FPGS: variants seen among roughly 807,000 people sequenced by gnomAD.
FPGS encodes folylpolyglutamate synthase.
In FPGS, 53 loss-of-function variants were observed where a neutral mutation model predicts 66.5. That is an observed-to-expected ratio of 0.80 (90% CI 0.64 to 1.00). The LOEUF is 1.00. Ranked by LOEUF, FPGS falls within the 50% of genes least tolerant of loss-of-function variation. The pLI is 0.00. For missense variants in FPGS, 702 were observed against 807.7 expected (o/e 0.87, Z 1.59); for synonymous variants, 348 against 350.9 (o/e 0.99, Z 0.09).
rs762360733 is a variant in FPGS at position 127,808,633 on chromosome 9, G to A, written c.898G>A (p.Glu300Lys). The change falls in exon 10 of 15, where the codon GAG becomes AAG. Residue 300 changes from glutamate to lysine, a missense_variant. By Grantham distance (56) the Glu-to-Lys change is moderately conservative. Coordinates refer to ENST00000373247, the MANE Select transcript of FPGS (RefSeq NM_004957.6). ...GCCGCTGACCCTGGGCCTGGAGGGGGAGCACCAGCGGTCCAACGCCGCCTT... is the reference window on the plus strand; with the variant it reads ...GCCGCTGACCCTGGGCCTGGAGGGGAAGCACCAGCGGTCCAACGCCGCCTT... ...GPPLTLGLEG[E>K]HQRSNAALAL... The A allele has an allele frequency of 6.2e-7, 1 of 1,610,980 alleles. No individual in the cohort carries two copies. Among genetic ancestry groups the A allele is most frequent in the Non-Finnish European group, 8.5e-7 (1 of 1,179,218 alleles).
At chr9:127,803,353 G>A (rs1423336369) in intron 1 of FPGS, 4 of 1,155,910 alleles carry the variant, frequency 3.5e-6, no homozygotes, top group Non-Finnish European at 4.3e-6. Flanking sequence ...CGGTGCTTCT[G>A]GAGTTCCAGT....
At chr9:127,806,396 C>A in intron 4 of FPGS, 1 of 154,468 alleles carries the variant, frequency 6.5e-6, no homozygotes, top group Non-Finnish European at 1.4e-5. Context: ...GTCCCAGCTA[C>A]TTGGGAGGCC....
chr9:127,807,053 T>A lies in FPGS; in HGVS notation c.467T>A (p.Phe156Tyr). 6.2e-7 allele frequency: 1 copy of A among 1,614,036 alleles called. No individual in the cohort carries two copies. The highest frequency in any genetic ancestry group is 1.1e-5 in the South Asian group (1 of 91,068). ...AGTCCTGAGCTCTTCACCAAGTACTTCTGGCGCCTCTACCACCGGCTGGAG... is the reference window on the plus strand; with the variant it reads ...AGTCCTGAGCTCTTCACCAAGTACTACTGGCGCCTCTACCACCGGCTGGAG... ...PISPELFTKY[F>Y]WRLYHRLEET... Residue 156 changes from phenylalanine (F) to tyrosine (Y), a missense_variant, in exon 5 of 15, where the codon TTC becomes TAC. Around this residue, in one of 3 missense-constraint regions of FPGS, gnomAD observed 240 missense variants for 348.6 expected, o/e 0.69. Coordinates refer to ENST00000373247, the MANE Select transcript of FPGS (RefSeq NM_004957.6). This position sits in a 1 kb window ranked among gnomAD's most constrained non-coding sequence, Gnocchi z 5.8.
chr9:127,808,928 G>GT (rs748701684), intron 11 of FPGS, 39 bp downstream of exon 11: 3 of 1,386,158 alleles, frequency 2.2e-6, no homozygotes, highest in Non-Finnish European at 3.0e-6. Context: ...ACCACTGCGT[G>GT]TGTCTGTGCC....
Position 127,809,774 on chromosome 9 carries a change from G to A in FPGS, c.1151G>A (p.Ser384Asn), listed in dbSNP as rs1285368397. Residue 384 changes from serine (S) to asparagine (N), a missense_variant, in exon 12 of 15, where the codon AGC becomes AAC. By Grantham distance (46) the Ser-to-Asn change is conservative. Coordinates refer to ENST00000373247, the MANE Select transcript of FPGS (RefSeq NM_004957.6). ...CTGGACGGTGCGCACACCGCCAGCA[G>A]CGCGCAGGCCTGCGTGCGCTGGTTC... is the stretch of plus-strand genomic sequence containing the variant. ...WYLDGAHTASSAQACVRWFRQ... is the reference protein window; with the variant it reads ...WYLDGAHTASNAQACVRWFRQ... The A allele has an allele frequency of 5.7e-6, 9 of 1,572,228 alleles. No homozygotes were observed. The highest frequency in any genetic ancestry group is 1.4e-5 in the African/African-American group (1 of 72,090).
At chr9:127,804,741 G>C (rs745955336) in intron 4 of FPGS, 41 bp downstream of exon 4, 1 of 1,603,726 alleles carries the variant, frequency 6.2e-7, no homozygotes, top group African/African-American at 1.3e-5. Flanking sequence ...TGTCCCAATG[G>C]ACCCTGGGGG....
intron 11 of FPGS, among the ~76,000 whole-genome samples, 196 bp downstream of exon 11, chr9:127,809,085 C>G (rs571089861): frequency 6.6e-6 from 1 of 151,780 alleles, no homozygotes; most frequent in South Asian, 2.1e-4. Context: ...GTCTTCTCAT[C>G]TGCCAAAGTA....
intron 1 of FPGS, chr9:127,803,438 G>T: frequency 9.8e-7 from 1 of 1,016,918 alleles, no homozygotes; most frequent in Non-Finnish European, 1.2e-6. Flanking sequence ...AGGCTTGAAA[G>T]ATCCAGGAGT....
At chr9:127,814,284 C>A (rs1386441805), downstream of FPGS, 1 of 338,490 alleles carries the variant, frequency 3.0e-6, no homozygotes, top group Non-Finnish European at 4.2e-6. Context: ...TTCTGCAGAC[C>A]CCCTTGCAGA....
At chr9:127,809,235 C>G (rs958371052) in intron 11 of FPGS, among the ~76,000 whole-genome samples, 1 of 152,176 alleles carries the variant, frequency 6.6e-6, no homozygotes, top group East Asian at 1.9e-4. Flanking sequence ...CTATCATCAT[C>G]ATCAGACCCT....
chr9:127,808,020 C>A lies in FPGS; in HGVS notation c.745-214C>A, dbSNP rs1304281200. ...ACTTGGGAGACTGAGGCAGGAGAAT[C>A]ACTCGAACCCGGGAGGCAGACGTTG... On this transcript the variant is annotated intron_variant, in intron 8 of 14. Coordinates refer to ENST00000373247, the MANE Select transcript of FPGS (RefSeq NM_004957.6). 9 of 580,230 alleles carry A rather than the reference C, an allele frequency of 1.6e-5. No homozygotes were observed. In the Admixed American group the frequency reaches 2.1e-4, roughly 14 times the overall value. The allele number at this position is 580,230 out of a possible 1,614,324, so 35.9% of individuals were successfully genotyped here. A position where few individuals can be genotyped will look rare whatever the true frequency, so the allele number is the denominator to read the frequency against.
chr9:127,808,694 A>T lies in FPGS; in HGVS notation c.959A>T (p.Gln320Leu). Reference protein sequence around the residue: ...LQLAHCWLQRQDRHGAGEPKA... With the variant: ...LQLAHCWLQRLDRHGAGEPKA... Reference sequence around the variant, plus strand: ...CTGGCCCACTGCTGGCTGCAGCGGCAGGACCGCCATGGTGAGTGGGCAGCT... The same window carrying T: ...CTGGCCCACTGCTGGCTGCAGCGGCTGGACCGCCATGGTGAGTGGGCAGCT... The change falls in exon 10 of 15, where the codon CAG becomes CTG. Residue 320 changes from glutamine to leucine, a missense_variant. Transcript: ENST00000373247. The T allele has an allele frequency of 1.9e-6, 3 of 1,588,202 alleles. No homozygotes were observed. In the South Asian group the frequency reaches 3.4e-5, roughly 18 times the overall value.
chr9:127,811,927 A>G (rs915028933), intron 14 of FPGS, among the ~76,000 whole-genome samples: 1 of 152,092 alleles, frequency 6.6e-6, no homozygotes, highest in Non-Finnish European at 1.5e-5. Context: ...TGCAGTGTAA[A>G]ATGTGTTTTT....
At position 127,807,489 on chromosome 9, in the gene FPGS, G is replaced by A. The variant is rs369101651; in HGVS notation, c.641+7G>A. ...ACTGCACCAACATCATCAGGTGAGC[G>A]CAGTTGCTTGGGACGAGGGGTGGCA... On this transcript the variant is annotated splice_region_variant and intron_variant, in intron 7 of 14. Coordinates refer to ENST00000373247, the MANE Select transcript of FPGS (RefSeq NM_004957.6). This position sits in a 1 kb window ranked among gnomAD's most constrained non-coding sequence, Gnocchi z 5.8. 12 of 1,613,890 alleles carry A rather than the reference G, an allele frequency of 7.4e-6. No individual in the cohort carries two copies. The highest frequency in any genetic ancestry group is 2.2e-5 in the East Asian group (1 of 44,892).
rs767564484 is a variant in FPGS at position 127,808,795 on chromosome 9, C to T, written c.971-5C>T. On this transcript the variant is annotated splice_region_variant and splice_polypyrimidine_tract_variant and intron_variant, in intron 10 of 14. Coordinates refer to ENST00000373247, the MANE Select transcript of FPGS (RefSeq NM_004957.6). ...CGGACACACTTGGTCTCACACACCC[C>T]GCAGGTGCTGGGGAGCCAAAGGCAT... 18 of 1,556,990 alleles carry T rather than the reference C, an allele frequency of 1.2e-5. No individual in the cohort carries two copies. Among genetic ancestry groups the T allele is most frequent in the Admixed American group, 1.9e-5 (1 of 51,632 alleles).
In FPGS at chr9:127,807,435, G is replaced by A. The variant is rs756678790; in HGVS notation, c.594G>A (p.Val198=). ...VFLQEKVDLA[V]VEVGIGGAYD... ...GTCTTTGACAGGTGGACCTGGCAGT[G>A]GTGGAGGTGGGCATTGGCGGGGCTT... is the stretch of plus-strand genomic sequence containing the variant. Residue 198 remains valine (V), a synonymous_variant, in exon 7 of 15, where the codon GTG becomes GTA. Transcript: ENST00000373247. The surrounding 1 kb of genome is among the most constrained non-coding windows in gnomAD (Gnocchi z 5.8). The A allele has an allele frequency of 1.2e-6, 2 of 1,614,092 alleles. No homozygotes were observed. The highest frequency in any genetic ancestry group is 1.7e-5 in the Admixed American group (1 of 60,016).
chr9:127,807,404 CCT>C lies in FPGS; in HGVS notation c.580-14_580-13del, dbSNP rs765222440. The stretch of plus-strand genomic sequence containing the variant: ...GGCACCCTCATATCCCCTGCCATGC[CCT>C]CTGGTCTTTGACAGGTGGACCTGGC... On this transcript the variant is annotated splice_polypyrimidine_tract_variant and intron_variant, in intron 6 of 14. Coordinates refer to ENST00000373247, the MANE Select transcript of FPGS (RefSeq NM_004957.6). This position sits in a 1 kb window ranked among gnomAD's most constrained non-coding sequence, Gnocchi z 5.8. 5.6e-6 allele frequency: 9 copies of C among 1,613,606 alleles called. No homozygotes were observed. In the Admixed American group the frequency reaches 1.5e-4, roughly 27 times the overall value.
rs560085760 is a variant in FPGS, at chr9:127,804,788, C to G, written c.386+88C>G. 191 of 1,291,558 alleles carry G rather than the reference C, an allele frequency of 1.5e-4. No individual in the cohort carries two copies. In the African/African-American group the frequency reaches 1.9e-3, roughly 13 times the overall value. The allele number at this position is 1,291,558 out of a possible 1,614,324, so 80.0% of individuals were successfully genotyped here. A position where few individuals can be genotyped will look rare whatever the true frequency, so the allele number is the denominator to read the frequency against. On this transcript the variant is annotated intron_variant, in intron 4 of 14. Coordinates refer to ENST00000373247, the MANE Select transcript of FPGS (RefSeq NM_004957.6). ...AGCCAGTGCTTCAGGACCAGGGTCA[C>G]CCCCAGGAGGTCAGCTGCATGTCTC...
chr9:127,814,032 A>C lies in FPGS; in HGVS notation c.*428A>C, dbSNP rs1830210133. On this transcript the variant is annotated 3_prime_UTR_variant, in exon 15 of 15. Transcript: ENST00000373247. ...ACACTGCGGGACAGAGGGTGGCTGG[A>C]GTGAATTAAAGCCTTTGTTTTTTAA... 2.0e-6 allele frequency: 2 copies of C among 1,009,276 alleles called. No individual in the cohort carries two copies. Among genetic ancestry groups the C allele is most frequent in the African/African-American group, 3.5e-5 (2 of 57,218 alleles). 62.5% of individuals were successfully genotyped at this position (1,009,276 alleles called of 1,614,324 possible). A position where few individuals can be genotyped will look rare whatever the true frequency, so the allele number is the denominator to read the frequency against.
Sources: allele counts gnomAD v4.1 joint callset (sites outside exome capture counted in the v4.1 genomes callset), GRCh38; gene constraint gnomAD v4.1.1; regional missense constraint gnomAD v4.1.1; non-coding constraint Gnocchi (gnomAD v3.1); transcripts MANE v1.5; gene names NCBI Gene and HGNC (gene_info 2026-07-23, HGNC 2026-07-21).